MACROD2: variants seen among roughly 807,000 people sequenced by gnomAD.
MACROD2 encodes mono-ADP ribosylhydrolase 2.
Under a neutral mutation model 70.4 loss-of-function variants are expected in MACROD2, and 36 were observed. The ratio of observed to expected loss-of-function variants is 0.51; its 90% CI spans 0.39 to 0.68. The LOEUF (loss-of-function observed/expected upper bound fraction) is 0.68. Ranked by LOEUF, MACROD2 falls within the 30% of genes least tolerant of loss-of-function variation. The pLI is 0.00. For missense variants in MACROD2, 496 were observed against 538.4 expected (o/e 0.92, Z 0.78); for synonymous variants, 172 against 178.8 (o/e 0.96, Z 0.30).
At chr20:15,312,662 A>G (rs538916248) in intron 6 of MACROD2, among the ~76,000 whole-genome samples, 87 of 152,324 alleles carry the variant, frequency 5.7e-4, no homozygotes, top group African/African-American at 1.9e-3. Context: ...TTATGTTTAT[A>G]TAAAAACATA....
At chr20:13,997,831 T>C (rs1770397179) in intron 1 of MACROD2, among the ~76,000 whole-genome samples, 1 of 152,132 alleles carries the variant, frequency 6.6e-6, no homozygotes, top group Non-Finnish European at 1.5e-5. Flanking sequence ...AGGATGTCTA[T>C]GTTTGGAATA....
chr20:14,977,297 ATT>A (rs777982225), intron 5 of MACROD2, among the ~76,000 whole-genome samples: 2,783 of 129,900 alleles, frequency 0.021, 91 homozygotes, highest in African/African-American at 0.071. Context: ...TAACACCTTG[ATT>A]TTTTTTTTTT....
At chr20:15,382,998 T>G (rs1751675846) in intron 6 of MACROD2, among the ~76,000 whole-genome samples, 1 of 152,206 alleles carries the variant, frequency 6.6e-6, no homozygotes, top group African/African-American at 2.4e-5. Context: ...CATGTGCTCC[T>G]CTCCTTCAAA....
intron 6 of MACROD2, among the ~76,000 whole-genome samples, chr20:15,307,269 T>A (rs1316267754): frequency 1.3e-5 from 2 of 152,020 alleles, no homozygotes; most frequent in African/African-American, 4.8e-5. Context: ...TCTGAAGCTA[T>A]AGATTTGCTG....
intron 4 of MACROD2, among the ~76,000 whole-genome samples, chr20:14,620,839 G>T (rs1983786850): frequency 6.6e-6 from 1 of 151,988 alleles, no homozygotes; most frequent in Non-Finnish European, 1.5e-5. Flanking sequence ...ATTTAAATGA[G>T]TTTATTATAT....
chr20:14,830,376 T>C (rs778303979), intron 5 of MACROD2, among the ~76,000 whole-genome samples: 2 of 152,148 alleles, frequency 1.3e-5, no homozygotes, highest in Admixed American at 1.3e-4. Context: ...GCAAGTTTCT[T>C]AGTGATGGCA....
chr20:15,290,657 CA>C (rs1303845399), intron 6 of MACROD2, among the ~76,000 whole-genome samples: 1 of 152,242 alleles, frequency 6.6e-6, no homozygotes, highest in African/African-American at 2.4e-5. Flanking sequence ...GAAATCACAA[CA>C]GGTTCATTTA....
chr20:15,518,750 A>G (rs1459144141), intron 8 of MACROD2, among the ~76,000 whole-genome samples: 4 of 152,146 alleles, frequency 2.6e-5, no homozygotes, highest in Non-Finnish European at 4.4e-5. Flanking sequence ...TGTAATCCCA[A>G]CACTTTGTGA....
intron 10 of MACROD2, among the ~76,000 whole-genome samples, chr20:15,917,401 A>G (rs1323008543): frequency 6.6e-6 from 1 of 152,168 alleles, no homozygotes; most frequent in Non-Finnish European, 1.5e-5. Context: ...TTGCGTTTCT[A>G]TGCCTCACGT....
chr20:15,817,435 G>C (rs6043555), intron 8 of MACROD2, among the ~76,000 whole-genome samples: 1 of 152,144 alleles, frequency 6.6e-6, no homozygotes, highest in Non-Finnish European at 1.5e-5. Context: ...CTTCAGAGCA[G>C]ATTTTGTATT....
At chr20:14,709,457 T>C (rs924012779) in intron 5 of MACROD2, among the ~76,000 whole-genome samples, 1 of 152,124 alleles carries the variant, frequency 6.6e-6, no homozygotes, top group African/African-American at 2.4e-5. Context: ...AAGCAAACAG[T>C]AGAAGCTGCC....
At chr20:14,105,581 C>T (rs561670010) in intron 3 of MACROD2, among the ~76,000 whole-genome samples, 43 of 152,306 alleles carry the variant, frequency 2.8e-4, no homozygotes, top group Admixed American at 3.9e-4. Context: ...TAGCTCACAA[C>T]GACTGCAGTT....
At chr20:14,875,652 A>G (rs909617720) in intron 5 of MACROD2, among the ~76,000 whole-genome samples, 1 of 151,880 alleles carries the variant, frequency 6.6e-6, no homozygotes, top group Non-Finnish European at 1.5e-5. Flanking sequence ...TCCCCTCTCT[A>G]GTGGTCCCAA....
At chr20:14,515,469 A>ACACGCGCGCGCGCGCGCG (rs759399680) in intron 4 of MACROD2, among the ~76,000 whole-genome samples, 2,485 of 143,688 alleles carry the variant, frequency 0.017, 80 homozygotes, top group African/African-American at 0.062. Context: ...ACACACGCAC[A>ACACGCGCGCGCGCGCGCG]CACACACACA....
intron 5 of MACROD2, among the ~76,000 whole-genome samples, chr20:14,911,274 G>A (rs565490414): frequency 1.3e-5 from 2 of 152,264 alleles, no homozygotes; most frequent in Admixed American, 1.3e-4. Flanking sequence ...AGCCCCAGAT[G>A]TTAACATCTT....
At chr20:14,903,437 C>T (rs555890726) in intron 5 of MACROD2, among the ~76,000 whole-genome samples, 2 of 152,196 alleles carry the variant, frequency 1.3e-5, no homozygotes, top group African/African-American at 4.8e-5. Context: ...TTAACCTTGG[C>T]TGCAGAATTC....
At chr20:15,509,048 G>C (rs1233761) in intron 8 of MACROD2, among the ~76,000 whole-genome samples, 129,494 of 152,214 alleles carry the variant, frequency 0.85, 55,529 homozygotes, top group East Asian at 0.99. Flanking sequence ...TTTTTCAAAA[G>C]TGTATGCTTT....
intron 3 of MACROD2, among the ~76,000 whole-genome samples, chr20:14,272,931 C>T (rs377606486): frequency 6.6e-6 from 1 of 151,906 alleles, no homozygotes; most frequent in African/African-American, 2.4e-5. Context: ...ATCAATTCAA[C>T]AAGAAGAGCT....
rs980321647 is a variant in MACROD2, at chr20:14,264,020, CACACACA to C, written c.271+178298_271+178304del. Among the ~76,000 whole-genome samples, 18 of 106,284 alleles carry C rather than the reference CACACACA, an allele frequency of 1.7e-4. No homozygotes were observed. The South Asian group carries it at 5.0e-3, about 29-fold the overall frequency. The allele number at this position is 106,284 out of a possible 152,430, so 69.7% of individuals were successfully genotyped here. On this transcript the variant is annotated intron_variant, in intron 3 of 17. Transcript: ENST00000684519. The stretch of plus-strand genomic sequence containing the variant: ...ACACACACACACACACACACACACA[CACACACA>C]ACACAAGTGAAGGAAAAAGATGGTA...
Sources: gnomAD v4.1 joint callset for allele counts (sites outside exome capture counted in the v4.1 genomes callset) on GRCh38, gnomAD v4.1.1 for gene constraint, MANE v1.5 for transcripts, NCBI Gene and HGNC (gene_info 2026-07-23, HGNC 2026-07-21) for gene names.